Variants in HERC2 observed in about 807,000 individuals in gnomAD.
The protein encoded by HERC2 is E3 ubiquitin-protein ligase HERC2.
HERC2 carries 102 observed loss-of-function variants against 537.7 expected under a neutral mutation model. The observed-to-expected ratio is 0.19, with a 90% CI of 0.16 to 0.22. HERC2 has a LOEUF of 0.22. Ranked by LOEUF, HERC2 falls within the 10% of genes least tolerant of loss-of-function variation. HERC2 has a pLI of 1.00. For synonymous variants in HERC2, 2,224 were observed against 2,466.2 expected (o/e 0.90, Z 2.91); for missense variants, 4,236 against 6,198.2 (o/e 0.68, Z 10.63).
At chr15:28,169,276 A>C (rs1337895353) in intron 66 of HERC2, among the ~76,000 whole-genome samples, 1 of 152,236 alleles carries the variant, frequency 6.6e-6, no homozygotes, top group African/African-American at 2.4e-5. Context: ...TGTTCAAGTT[A>C]GTTTTCTAAT....
intron 45 of HERC2, chr15:28,203,468 C>T (rs1160400862): frequency 6.6e-6 from 1 of 152,066 alleles, no homozygotes; most frequent in Non-Finnish European, 1.5e-5. Context: ...GCCAAGAGTT[C>T]TGGTTCTGAT....
chr15:28,191,874 G>T, intron 53 of HERC2, 87 bp downstream of exon 53: 1 of 1,208,176 alleles, frequency 8.3e-7, no homozygotes, highest in Non-Finnish European at 1.2e-6. Flanking sequence ...GCAAAACTTT[G>T]CAGGCTGCTC....
Position 28,141,648 on chromosome 15 carries a change from T to C in HERC2, c.11817-18A>G, listed in dbSNP as rs1213950914. ...CTGGTCGCCTACAATACACATCAAG[T>C]GAGCATTTGCCATGGGCAAGAACAA... On this transcript the variant is annotated intron_variant, in intron 77 of 92. Transcript: ENST00000261609. The C allele has an allele frequency of 6.2e-7, 1 of 1,613,966 alleles. No homozygotes were observed. The highest frequency in any genetic ancestry group is 2.2e-5 in the East Asian group (1 of 44,872).
At chr15:28,267,505 C>A (rs1007306289) in intron 12 of HERC2, among the ~76,000 whole-genome samples, 1 of 152,220 alleles carries the variant, frequency 6.6e-6, no homozygotes, top group Non-Finnish European at 1.5e-5. Context: ...CCATGTCAAT[C>A]CCAGCCTTTA....
chr15:28,298,808 G>T (rs77898096), intron 3 of HERC2, among the ~76,000 whole-genome samples: 1 of 150,408 alleles, frequency 6.6e-6, no homozygotes, highest in African/African-American at 2.4e-5. Context: ...CCAAAAAAAA[G>T]AAGAAGAAGA....
At chr15:28,154,674 C>T (rs1892800199) in intron 69 of HERC2, among the ~76,000 whole-genome samples, 1 of 152,180 alleles carries the variant, frequency 6.6e-6, no homozygotes, top group African/African-American at 2.4e-5. Context: ...ACCTCTCAGC[C>T]TCAGTTTCCT....
Position 28,213,980 on chromosome 15 carries a change from A to G in HERC2, c.6556-8T>C. The G allele has an allele frequency of 6.2e-7, 1 of 1,612,732 alleles. No homozygotes were observed. Among genetic ancestry groups the G allele is most frequent in the South Asian group, 1.1e-5 (1 of 91,032 alleles). On this transcript the variant is annotated splice_polypyrimidine_tract_variant and splice_region_variant and intron_variant, in intron 41 of 92. Coordinates refer to ENST00000261609, the MANE Select transcript of HERC2 (RefSeq NM_004667.6). ...GTAGTCCTCTAACTGGGCCTAGTGC[A>G]GACCAAACAGCGAGCTCGACAGAGA...
chr15:28,299,614 A>G (rs2141196850), intron 2 of HERC2, 98 bp from the exon 3 acceptor site: 1 of 652,634 alleles, frequency 1.5e-6, no homozygotes, highest in South Asian at 1.9e-5. Context: ...CCCCTTATGT[A>G]TTCGATCATT....
In HERC2 at chr15:28,274,907, G is replaced by A; in HGVS notation, c.641C>T (p.Ser214Leu). Residue 214 changes from serine to leucine, a missense_variant and splice_region_variant, in exon 6 of 93, where the codon TCA (serine) becomes TTA (leucine). Physicochemically the swap from Ser to Leu is moderately radical, Grantham distance 145. Transcript: ENST00000261609. ...ACGCGCCACACCAGGGACCGTACCTGATCGCCAGGCCCTGCGCAGGAAGGC... is the reference window on the plus strand; with the variant it reads ...ACGCGCCACACCAGGGACCGTACCTAATCGCCAGGCCCTGCGCAGGAAGGC... The part of the protein sequence containing the change: ...AFAFLRRAWR[S>L]GEDADLCSEL... 1 of 1,610,362 alleles carries A rather than the reference G, an allele frequency of 6.2e-7. No homozygotes were observed. Among genetic ancestry groups the A allele is most frequent in the Non-Finnish European group, 8.5e-7 (1 of 1,178,528 alleles).
At chr15:28,258,183 G>A (rs1329506083) in intron 16 of HERC2, among the ~76,000 whole-genome samples, 1 of 151,956 alleles carries the variant, frequency 6.6e-6, no homozygotes, top group Admixed American at 6.6e-5. Context: ...ATAATCCATG[G>A]GTCAGGCCGG....
intron 30 of HERC2, among the ~76,000 whole-genome samples, chr15:28,232,266 G>C (rs1351474254): frequency 1.3e-5 from 2 of 152,192 alleles, no homozygotes; most frequent in Non-Finnish European, 2.9e-5. Context: ...TCAGAGGCCA[G>C]GCGCGGTGGC....
rs1204231447 is a variant in HERC2, at chr15:28,168,556, T to C, written c.10264A>G (p.Met3422Val). Residue 3422 changes from methionine to valine, a missense_variant, in exon 67 of 93, where the codon ATG becomes GTG. Physicochemically the swap from Met to Val is conservative, Grantham distance 21. Around this residue, in one of 27 missense-constraint regions of HERC2, gnomAD observed 356 missense variants for 450.9 expected, o/e 0.79. Transcript: ENST00000261609. ...GAGGGGCACTCCACCGGGGCGATCA[T>C]GGCGGCCGGCATCAGGGCCCCGACA... ...AVVGALMPAA[M>V]IAPVECPSFS... 3.7e-6 allele frequency: 6 copies of C among 1,613,996 alleles called. No individual in the cohort carries two copies. The highest frequency in any genetic ancestry group is 4.2e-6 in the Non-Finnish European group (5 of 1,179,992).
intron 64 of HERC2, among the ~76,000 whole-genome samples, chr15:28,175,248 T>C (rs962907609): frequency 6.6e-6 from 1 of 152,076 alleles, no homozygotes; most frequent in Non-Finnish European, 1.5e-5. Flanking sequence ...TCTTCAAGAA[T>C]AACAGTCTTT....
chr15:28,279,209 C>T lies in HERC2; in HGVS notation c.542+859G>A, dbSNP rs183857014. 6.8e-4 allele frequency among the ~76,000 whole-genome samples: 103 copies of T among 152,014 alleles called. 1 individual carries two copies. The highest frequency in any genetic ancestry group is 1.4e-3 in the Admixed American group (22 of 15,266). ...GGTTTCTCCATGTTGGTCAGATCTC[C>T]AACTCCCGACCTGAGGTGATCCGCC... is the stretch of plus-strand genomic sequence containing the variant. On this transcript the variant is annotated intron_variant, in intron 5 of 92. Transcript: ENST00000261609.
Position 28,276,201 on chromosome 15 carries a change from A to C in HERC2, c.543-1196T>G, listed in dbSNP as rs1403872792. On this transcript the variant is annotated intron_variant, in intron 5 of 92. Coordinates refer to ENST00000261609, the MANE Select transcript of HERC2 (RefSeq NM_004667.6). ...ACTCCATCTCAAAAAACAAAAAAAA[A>C]AAAAAAAAAAAAAAAAGAGGGTTGT... Among the ~76,000 whole-genome samples the C allele has an allele frequency of 6.8e-5, 10 of 147,388 alleles. 1 individual carries two copies. In the South Asian group the frequency reaches 1.5e-3, roughly 22 times the overall value.
At chr15:28,266,492 G>A (rs1184674235) in intron 12 of HERC2, among the ~76,000 whole-genome samples, 1 of 151,944 alleles carries the variant, frequency 6.6e-6, no homozygotes, top group Non-Finnish European at 1.5e-5. Context: ...TCCACCTTGG[G>A]TAACAAGAAC....
rs1596355768 is a variant in HERC2 at position 28,268,767 on chromosome 15, C to T, written c.1447-151G>A. The stretch of plus-strand genomic sequence containing the variant: ...GGGAACTACGGGGCCGGCTCTCCAG[C>T]CCTTCCCACCCAGCAGCAACAGAAC... On this transcript the variant is annotated intron_variant, in intron 11 of 92. Transcript: ENST00000261609. This position sits in a 1 kb window ranked among gnomAD's most constrained non-coding sequence, Gnocchi z 4.7. 1 of 667,940 alleles carries T rather than the reference C, an allele frequency of 1.5e-6. No homozygotes were observed. The highest frequency in any genetic ancestry group is 2.7e-5 in the East Asian group (1 of 36,764). The allele number at this position is 667,940 out of a possible 1,614,324, so 41.4% of individuals were successfully genotyped here. A position where few individuals can be genotyped will look rare whatever the true frequency, so the allele number is the denominator to read the frequency against.
At chr15:28,154,857 C>T (rs1892826577) in intron 69 of HERC2, among the ~76,000 whole-genome samples, 3 of 151,862 alleles carry the variant, frequency 2.0e-5, no homozygotes, top group Admixed American at 1.3e-4. Context: ...TGTTGTTGTG[C>T]TGCACCCATT....
intron 23 of HERC2, among the ~76,000 whole-genome samples, chr15:28,244,857 G>GA (rs1903503692): frequency 6.6e-6 from 1 of 152,062 alleles, no homozygotes; most frequent in African/African-American, 2.4e-5. Context: ...AACACGAGAA[G>GA]AAAAAAAGCC....
Sources: gnomAD v4.1 joint callset for allele counts (sites outside exome capture counted in the v4.1 genomes callset) on GRCh38, gnomAD v4.1.1 for gene constraint, gnomAD v4.1.1 regional missense constraint, Gnocchi (gnomAD v3.1) non-coding constraint, MANE v1.5 for transcripts, NCBI Gene and HGNC (gene_info 2026-07-23, HGNC 2026-07-21) for gene names.